Variants in ANO5 observed in about 807,000 individuals in gnomAD.
ANO5 encodes the protein anoctamin-5.
A neutral mutation model predicts 121.0 loss-of-function variants in ANO5; 109 were observed. That is an observed-to-expected ratio of 0.90 (90% CI 0.77 to 1.06). The LOEUF (loss-of-function observed/expected upper bound fraction) is 1.06, where lower values mean the gene tolerates loss of function less well. Ranked by LOEUF, ANO5 falls within the 50% of genes least tolerant of loss-of-function variation. ANO5 has a pLI of 0.00. For synonymous variants in ANO5, 406 were observed against 359.9 expected (o/e 1.13, Z -1.45); for missense variants, 1,064 against 1,078.5 (o/e 0.99, Z 0.19).
intron 1 of ANO5, among the ~76,000 whole-genome samples, chr11:22,202,854 T>C (rs995204558): frequency 2.0e-5 from 3 of 152,196 alleles, no homozygotes; most frequent in African/African-American, 4.8e-5. Context: ...ACATCCATCA[T>C]TGGATTTAGG....
At chr11:22,240,052 G>A (rs7129319) in intron 9 of ANO5, among the ~76,000 whole-genome samples, 7,213 of 151,940 alleles carry the variant, frequency 0.047, 589 homozygotes, top group African/African-American at 0.17. Context: ...TCTGTAAAAC[G>A]GGAATAGCAA....
chr11:22,198,272 A>G (rs1018981414), intron 1 of ANO5, among the ~76,000 whole-genome samples: 1 of 152,142 alleles, frequency 6.6e-6, no homozygotes, highest in Admixed American at 6.5e-5. Context: ...GTGGTATGGG[A>G]GCAGGTGGGA....
At chr11:22,244,989 G>T (rs982104170) in intron 9 of ANO5, among the ~76,000 whole-genome samples, 3 of 152,194 alleles carry the variant, frequency 2.0e-5, no homozygotes, top group Middle Eastern at 3.4e-3. Flanking sequence ...TGCCTGAGAG[G>T]GCTGGTGTTC....
At position 22,272,995 on chromosome 11, in the gene ANO5, T is replaced by C. The variant is rs1246421086; in HGVS notation, c.2235+6T>C. On this transcript the variant is annotated splice_donor_region_variant and intron_variant, in intron 19 of 21. Coordinates refer to ENST00000324559, the MANE Select transcript of ANO5 (RefSeq NM_213599.3). ...TCCTTTCTGTTGCAACTAATGTAAG[T>C]GGACCTATTTCGGTGGGGTGACTTT... 1 of 1,613,194 alleles carries C rather than the reference T, an allele frequency of 6.2e-7. No homozygotes were observed. The highest frequency in any genetic ancestry group is 8.5e-7 in the Non-Finnish European group (1 of 1,179,210).
chr11:22,247,540 A>C (rs763836179), intron 9 of ANO5, among the ~76,000 whole-genome samples: 2 of 152,130 alleles, frequency 1.3e-5, no homozygotes, highest in Non-Finnish European at 2.9e-5. Context: ...TTTATGACAG[A>C]ATTCATTGGC....
intron 9 of ANO5, 141 bp from the exon 10 acceptor site, chr11:22,250,096 A>T: frequency 1.4e-6 from 1 of 708,670 alleles, no homozygotes; most frequent in Non-Finnish European, 2.3e-6. Context: ...AAGTTTAGAG[A>T]GTTGAGTAAC....
Position 22,250,864 on chromosome 11 carries a change from C to G in ANO5, c.1119+18C>G, listed in dbSNP as rs1176988988. 2 of 1,611,662 alleles carry G rather than the reference C, an allele frequency of 1.2e-6. No individual in the cohort carries two copies. Among genetic ancestry groups the G allele is most frequent in the South Asian group, 2.2e-5 (2 of 91,028 alleles). ...CTTCAAAGGTATGTATGCATTGTAACATGTTGAAAAGACTTGGAATTTTCC... is the reference window on the plus strand; with the variant it reads ...CTTCAAAGGTATGTATGCATTGTAAGATGTTGAAAAGACTTGGAATTTTCC... On this transcript the variant is annotated intron_variant, in intron 11 of 21. Coordinates refer to ENST00000324559, the MANE Select transcript of ANO5 (RefSeq NM_213599.3).
intron 18 of ANO5, 142 bp from the exon 19 acceptor site, chr11:22,272,642 G>A (rs1854663692): frequency 2.6e-6 from 2 of 773,250 alleles, no homozygotes; most frequent in Admixed American, 2.1e-5. Flanking sequence ...GGTAGAGGAG[G>A]AACTGGACAG....
At chr11:22,256,233 G>T (rs1193302903) in intron 13 of ANO5, among the ~76,000 whole-genome samples, 1 of 152,008 alleles carries the variant, frequency 6.6e-6, no homozygotes, top group African/African-American at 2.4e-5. Context: ...TATTTTTTGA[G>T]CCCCTATCTT....
At chr11:22,258,224 T>C (rs1422265178) in intron 14 of ANO5, among the ~76,000 whole-genome samples, 1 of 152,204 alleles carries the variant, frequency 6.6e-6, no homozygotes, top group Non-Finnish European at 1.5e-5. Flanking sequence ...TGTTGAAATA[T>C]AAATAATTGA....
At chr11:22,278,365 A>C (rs2133807058) in intron 21 of ANO5, among the ~76,000 whole-genome samples, 1 of 151,842 alleles carries the variant, frequency 6.6e-6, no homozygotes, top group South Asian at 2.1e-4. Flanking sequence ...TGTCTTTGAT[A>C]AATTTTTTCT....
In ANO5 at chr11:22,239,636, G is replaced by A. The variant is rs1399188226; in HGVS notation, c.830G>A (p.Trp277Ter). Residue 277 changes from tryptophan (W) to a stop codon, truncating the protein, a stop_gained, in exon 9 of 22, where the codon TGG becomes TAG. Coordinates refer to ENST00000324559, the MANE Select transcript of ANO5 (RefSeq NM_213599.3). LOFTEE classifies it high-confidence loss of function. Reference sequence around the variant, plus strand: ...GAAAGATACACACTTCACCAGAATTGGGCTCGATTTTCCTATTTCTACAAG... The same window carrying A: ...GAAAGATACACACTTCACCAGAATTAGGCTCGATTTTCCTATTTCTACAAG... ...TNERYTLHQN[W>*]ARFSYFYKEQ... 6.2e-7 allele frequency: 1 copy of A among 1,612,630 alleles called. No individual in the cohort carries two copies. Among genetic ancestry groups the A allele is most frequent in the Non-Finnish European group, 8.5e-7 (1 of 1,179,098 alleles).
intron 10 of ANO5, 105 bp from the exon 11 acceptor site, chr11:22,250,636 C>T: frequency 8.3e-7 from 1 of 1,210,302 alleles, no homozygotes. Context: ...ATTGCCCCTT[C>T]TGTTATATGT....
chr11:22,279,755 C>G lies in ANO5; in HGVS notation c.2732C>G (p.Ser911Ter). 8.7e-6 allele frequency: 14 copies of G among 1,611,406 alleles called. No individual in the cohort carries two copies. The highest frequency in any genetic ancestry group is 1.2e-5 in the Non-Finnish European group (14 of 1,178,392). Residue 911 changes from serine to a stop codon, truncating the protein, a stop_gained, in exon 22 of 22, where the codon TCA becomes TGA. Coordinates refer to ENST00000324559, the MANE Select transcript of ANO5 (RefSeq NM_213599.3). LOFTEE classifies it high-confidence loss of function. ...IEENKAQLAK[S>*]TL ...GAAAACAAAGCACAGCTGGCTAAAT[C>G]AACACTCTAATCAGTATAGTGAGGA... is the stretch of plus-strand genomic sequence containing the variant.
intron 3 of ANO5, 108 bp from the exon 4 acceptor site, chr11:22,218,138 C>CACACACACACACACAT: frequency 8.3e-7 from 1 of 1,211,802 alleles, no homozygotes; most frequent in Non-Finnish European, 1.2e-6. Flanking sequence ...CACACACACA[C>CACACACACACACACAT]ACTTATAAAA....
chr11:22,227,303 A>C lies in ANO5; in HGVS notation c.365A>C (p.Asp122Ala), dbSNP rs1852871852. Residue 122 changes from aspartate to alanine, a missense_variant and splice_region_variant, in exon 7 of 22, where the codon GAC becomes GCC. Physicochemically the swap from Asp to Ala is moderately radical, Grantham distance 126. Transcript: ENST00000324559. ...GLELEIEDKR[D>A]SEDGRTYFVK... ...TGTTTTGCCTTTTTTTTAATGCAGG[A>C]CTCGGAAGATGGAAGAACTTATTTT... 1 of 1,612,918 alleles carries C rather than the reference A, an allele frequency of 6.2e-7. No homozygotes were observed. The highest frequency in any genetic ancestry group is 1.3e-5 in the African/African-American group (1 of 74,700).
At chr11:22,275,792 GAAAAGA>G (rs1390165437) in intron 20 of ANO5, among the ~76,000 whole-genome samples, 1 of 151,870 alleles carries the variant, frequency 6.6e-6, no homozygotes, top group African/African-American at 2.4e-5. Flanking sequence ...AAGGAAGTGG[GAAAAGA>G]GGAAGTGGAA....
intron 1 of ANO5, among the ~76,000 whole-genome samples, chr11:22,198,719 T>A (rs1480187843): frequency 6.6e-6 from 1 of 152,212 alleles, no homozygotes; most frequent in African/African-American, 2.4e-5. Flanking sequence ...TTTTGTTTGA[T>A]GCATTGTTCT....
In ANO5 at chr11:22,227,254, C is replaced by A. The variant is rs751874156; in HGVS notation, c.364-48C>A. ...CCATCTTATTTAATCAGCTCAATAA[C>A]AAACTGATCAGTAAGCTTTCTGCTG... On this transcript the variant is annotated intron_variant, in intron 6 of 21. Coordinates refer to ENST00000324559, the MANE Select transcript of ANO5 (RefSeq NM_213599.3). 26 of 1,601,386 alleles carry A rather than the reference C, an allele frequency of 1.6e-5. No homozygotes were observed. In the South Asian group the frequency reaches 2.6e-4, roughly 16 times the overall value.
Sources: gnomAD v4.1 joint callset for allele counts (sites outside exome capture counted in the v4.1 genomes callset) on GRCh38, gnomAD v4.1.1 for gene constraint, MANE v1.5 for transcripts, NCBI Gene and HGNC (gene_info 2026-07-23, HGNC 2026-07-21) for gene names.